GLCE: variants seen among roughly 807,000 people sequenced by gnomAD.
The protein encoded by GLCE is glucuronic acid epimerase, also known as D-glucuronyl C5-epimerase.
GLCE carries 19 observed loss-of-function variants against 47.9 expected under a neutral mutation model. The ratio of observed to expected loss-of-function variants is 0.40; its 90% CI spans 0.28 to 0.58. The LOEUF is 0.58. Among genes scored for constraint, GLCE ranks in the 20% least tolerant of loss-of-function variants. The probability of loss-of-function intolerance (pLI) is 0.48; values close to 1 mark genes in which losing one functional copy is unlikely to be tolerated. For synonymous variants in GLCE, 245 were observed against 263.4 expected, an observed-to-expected ratio of 0.93 and a Z score of 0.68; for missense variants, 556 against 743.3, an observed-to-expected ratio of 0.75 and a Z score of 2.93.
At chr15:69,251,854 T>C (rs1028524713) in intron 2 of GLCE, among the ~76,000 whole-genome samples, 6 of 152,236 alleles carry the variant, frequency 3.9e-5, no homozygotes, top group African/African-American at 1.4e-4. Flanking sequence ...ATGTTATATA[T>C]TTATGGAAAT....
chr15:69,212,443 T>C (rs556142370), intron 2 of GLCE, among the ~76,000 whole-genome samples: 1 of 152,110 alleles, frequency 6.6e-6, no homozygotes, highest in South Asian at 2.1e-4. Context: ...TCTAACAGCA[T>C]AAAATATTTC....
chr15:69,224,281 A>T (rs1201684904), intron 2 of GLCE, among the ~76,000 whole-genome samples: 1 of 152,180 alleles, frequency 6.6e-6, no homozygotes, highest in Non-Finnish European at 1.5e-5. Context: ...AACAGGGATC[A>T]GCCTATGTCA....
chr15:69,190,059 G>T (rs1220210121), intron 1 of GLCE, among the ~76,000 whole-genome samples: 1 of 151,914 alleles, frequency 6.6e-6, no homozygotes. Context: ...CTAACATTCA[G>T]AAGTATATTG....
At chr15:69,250,390 C>G (rs555315990) in intron 2 of GLCE, among the ~76,000 whole-genome samples, 1 of 152,076 alleles carries the variant, frequency 6.6e-6, no homozygotes, top group Non-Finnish European at 1.5e-5. Flanking sequence ...TTACCATCCC[C>G]GCCCCTCTGA....
Position 69,269,123 on chromosome 15 carries a change from ATC to A in GLCE, c.1734_1735del (p.Tyr578Ter). 1 of 1,614,130 alleles carries A rather than the reference ATC, an allele frequency of 6.2e-7. No individual in the cohort carries two copies. Among genetic ancestry groups the A allele is most frequent in the Non-Finnish European group, 8.5e-7 (1 of 1,179,998 alleles). Reference sequence around the variant, plus strand: ...GCTCCTAACCTGGCTCGCTGGGACTATCATACCACCCACATCAATCAGTTGCA... The same window carrying A: ...GCTCCTAACCTGGCTCGCTGGGACTAATACCACCCACATCAATCAGTTGCA... On this transcript the variant is annotated stop_gained and frameshift_variant, in exon 5 of 5. Coordinates refer to ENST00000261858, the MANE Select transcript of GLCE (RefSeq NM_015554.3). LOFTEE classifies it high-confidence loss of function.
intron 4 of GLCE, among the ~76,000 whole-genome samples, chr15:69,264,074 A>G (rs2053051258): frequency 6.6e-6 from 1 of 152,168 alleles, no homozygotes; most frequent in African/African-American, 2.4e-5. Flanking sequence ...CAGTATTATA[A>G]GCTGTAGTCA....
intron 2 of GLCE, among the ~76,000 whole-genome samples, chr15:69,216,194 A>G (rs1377886962): frequency 6.6e-6 from 1 of 152,188 alleles, no homozygotes; most frequent in Non-Finnish European, 1.5e-5. Context: ...GACGAAGTGT[A>G]ATAAATACTG....
intron 2 of GLCE, among the ~76,000 whole-genome samples, chr15:69,216,625 C>G (rs2052310941): frequency 6.6e-6 from 1 of 151,936 alleles, no homozygotes; most frequent in Non-Finnish European, 1.5e-5. Flanking sequence ...TTTAATTAGG[C>G]CTTTCTATTT....
chr15:69,165,530 TC>T (rs1473857088), intron 1 of GLCE, among the ~76,000 whole-genome samples: 21 of 145,686 alleles, frequency 1.4e-4, no homozygotes, highest in East Asian at 1.2e-3. Flanking sequence ...TTTTTTTAGC[TC>T]TTTTTTAGTT....
chr15:69,233,368 T>C lies in GLCE; in HGVS notation c.-13-22426T>C, dbSNP rs181921187. Among the ~76,000 whole-genome samples the C allele has an allele frequency of 1.3e-3, 194 of 152,322 alleles. 2 individuals are homozygous for C. The highest frequency in any genetic ancestry group is 4.8e-3 in the South Asian group (23 of 4,826). ...ATTGACTTTATGTTTGTTTTTAGTT[T>C]ATAAATTCCCCTTGTTTTATCTCTA... On this transcript the variant is annotated intron_variant, in intron 2 of 4. Coordinates refer to ENST00000261858, the MANE Select transcript of GLCE (RefSeq NM_015554.3).
chr15:69,245,399 G>C (rs1229919857), intron 2 of GLCE, among the ~76,000 whole-genome samples: 1 of 150,966 alleles, frequency 6.6e-6, no homozygotes, highest in Non-Finnish European at 1.5e-5. Context: ...AAAATTGTTA[G>C]AGATTATCTG....
intron 1 of GLCE, among the ~76,000 whole-genome samples, chr15:69,174,441 C>T (rs1595735637): frequency 6.6e-6 from 1 of 152,004 alleles, no homozygotes; most frequent in African/African-American, 2.4e-5. Context: ...GAAACCCCGT[C>T]ACTACTAAAA....
intron 2 of GLCE, among the ~76,000 whole-genome samples, chr15:69,231,731 C>T (rs1304393917): frequency 6.6e-6 from 1 of 152,048 alleles, no homozygotes; most frequent in Non-Finnish European, 1.5e-5. Context: ...TTATATATGC[C>T]TATGAGCTTT....
At chr15:69,210,197 A>G (rs2052212112) in intron 1 of GLCE, 119 bp from the exon 2 acceptor site, 1 of 152,090 alleles carries the variant, frequency 6.6e-6, no homozygotes. Flanking sequence ...AAAGTTCCTT[A>G]GTAGTTGTTC....
intron 2 of GLCE, among the ~76,000 whole-genome samples, chr15:69,218,139 G>A (rs1276949757): frequency 4.6e-5 from 6 of 130,540 alleles, no homozygotes; most frequent in Non-Finnish European, 7.8e-5. Flanking sequence ...GTGACAGAGC[G>A]AGACTGTCTC....
At chr15:69,266,110 A>G (rs778122156) in intron 4 of GLCE, among the ~76,000 whole-genome samples, 25 of 152,188 alleles carry the variant, frequency 1.6e-4, no homozygotes, top group Non-Finnish European at 3.7e-4. Flanking sequence ...CAGTTTTTCT[A>G]TTAAGTTACT....
intron 2 of GLCE, among the ~76,000 whole-genome samples, chr15:69,226,670 C>G (rs1407673387): frequency 6.6e-6 from 1 of 150,478 alleles, no homozygotes; most frequent in Non-Finnish European, 1.5e-5. Flanking sequence ...CATCCCTGAT[C>G]CATAAATCAG....
chr15:69,239,190 G>A (rs908156245), intron 2 of GLCE, among the ~76,000 whole-genome samples: 9 of 75,396 alleles, frequency 1.2e-4, no homozygotes, highest in Non-Finnish European at 2.9e-4. Context: ...CTAATGAAAT[G>A]TTGGAAATGT....
At chr15:69,254,635 A>T (rs2052895941) in intron 2 of GLCE, among the ~76,000 whole-genome samples, 1 of 152,160 alleles carries the variant, frequency 6.6e-6, no homozygotes. Flanking sequence ...GACTTATGGG[A>T]TATTGAGTGA....
Sources: gnomAD v4.1 joint callset for allele counts (sites outside exome capture counted in the v4.1 genomes callset) on GRCh38, gnomAD v4.1.1 for gene constraint, MANE v1.5 for transcripts, NCBI Gene and HGNC (gene_info 2026-07-23, HGNC 2026-07-21) for gene names.